Variants in TNPO2 observed in about 807,000 individuals in gnomAD.
The protein encoded by TNPO2 is transportin-2.
TNPO2 carries 16 observed loss-of-function variants against 111.1 expected under a neutral mutation model. That is an observed-to-expected ratio of 0.14 (90% CI 0.10 to 0.22). TNPO2 has a LOEUF of 0.22. TNPO2 is among the 10% of genes least tolerant of loss of function. TNPO2 has a pLI of 1.00. For synonymous variants in TNPO2, 481 were observed against 475.8 expected, an observed-to-expected ratio of 1.01 and a Z score of -0.14; for missense variants, 530 against 1,173.7, an observed-to-expected ratio of 0.45 and a Z score of 8.01.
chr19:12,722,368 T>C (rs1277890155), intron 2 of TNPO2: 1 of 147,502 alleles, frequency 6.8e-6, no homozygotes, highest in Non-Finnish European at 1.5e-5. Context: ...CCTTTCCCGG[T>C]CGGGCGCGGC....
chr19:12,714,742 G>T, intron 10 of TNPO2, 79 bp downstream of exon 10: 2 of 1,088,848 alleles, frequency 1.8e-6, no homozygotes, highest in Non-Finnish European at 2.8e-6. Context: ...GAGAAGCACA[G>T]CAGGTGACCA....
At position 12,702,445 on chromosome 19, in the gene TNPO2, A is replaced by G. The variant is rs2025376855; in HGVS notation, c.2306-268T>C. On this transcript the variant is annotated intron_variant, in intron 21 of 25. Coordinates refer to ENST00000425528, the MANE Select transcript of TNPO2 (RefSeq NM_001382241.1). The surrounding 1 kb of genome is among the most constrained non-coding windows in gnomAD (Gnocchi z 5.5). ...AGTCTTGCTCTGTTGCCCAGGCTGG[A>G]GTGCAGTGGCATGATCTTGGCTCAT... is the stretch of plus-strand genomic sequence containing the variant. 1 of 620,242 alleles carries G rather than the reference A, an allele frequency of 1.6e-6. No homozygotes were observed. The highest frequency in any genetic ancestry group is 1.8e-5 in the African/African-American group (1 of 54,584). The allele number at this position is 620,242 out of a possible 1,614,324, so 38.4% of individuals were successfully genotyped here. A position where few individuals can be genotyped will look rare whatever the true frequency, so the allele number is the denominator to read the frequency against.
intron 3 of TNPO2, among the ~76,000 whole-genome samples, chr19:12,720,375 C>G (rs1369768311): frequency 6.6e-6 from 1 of 152,138 alleles, no homozygotes; most frequent in African/African-American, 2.4e-5. Context: ...GGCTGGAGTA[C>G]AGTGGCACAA....
At position 12,715,818 on chromosome 19, in the gene TNPO2, A is replaced by G; in HGVS notation, c.326-79T>C. The G allele has an allele frequency of 8.6e-7, 1 of 1,167,842 alleles. No individual in the cohort carries two copies. The highest frequency in any genetic ancestry group is 2.6e-5 in the East Asian group (1 of 39,156). 72.3% of individuals were successfully genotyped at this position (1,167,842 alleles called of 1,614,324 possible). The stretch of plus-strand genomic sequence containing the variant: ...CCTCCCCCTCCCACTGGACACCCCC[A>G]GTGCTGCCTTTCTGTTCCCTAGCCC... On this transcript the variant is annotated intron_variant, in intron 5 of 25. Coordinates refer to ENST00000425528, the MANE Select transcript of TNPO2 (RefSeq NM_001382241.1). The surrounding 1 kb of genome is among the most constrained non-coding windows in gnomAD (Gnocchi z 7.1).
intron 13 of TNPO2, among the ~76,000 whole-genome samples, chr19:12,708,120 C>A (rs1236791827): frequency 1.3e-5 from 2 of 149,252 alleles, no homozygotes; most frequent in African/African-American, 4.9e-5. Context: ...CTGTGCCCAG[C>A]CATTTTTAAC....
At position 12,699,656 on chromosome 19, in the gene TNPO2, CTT is replaced by C. The variant is rs773262218; in HGVS notation, c.*1606_*1607del. 35 of 138,852 alleles carry C rather than the reference CTT, an allele frequency of 2.5e-4. No homozygotes were observed. The highest frequency in any genetic ancestry group is 2.4e-4 in the South Asian group (1 of 4,250). 8.6% of individuals were successfully genotyped at this position (138,852 alleles called of 1,614,324 possible). A position where few individuals can be genotyped will look rare whatever the true frequency, so the allele number is the denominator to read the frequency against. Reference sequence around the variant, plus strand: ...AGAAAATTAAAAGGTATTTTTAAAACTTTTTTTTTTTTTTTTAACAAATGGCT... The same window carrying C: ...AGAAAATTAAAAGGTATTTTTAAAACTTTTTTTTTTTTTTAACAAATGGCT... On this transcript the variant is annotated 3_prime_UTR_variant, in exon 26 of 26. Transcript: ENST00000425528.
At chr19:12,708,101 C>T (rs1302950323) in intron 13 of TNPO2, among the ~76,000 whole-genome samples, 2 of 152,116 alleles carry the variant, frequency 1.3e-5, no homozygotes. Flanking sequence ...GGATTACAGG[C>T]GTGAGCCACT....
Position 12,700,949 on chromosome 19 carries a change from TCCTC to T in TNPO2, c.*311_*314del, listed in dbSNP as rs2025258218. ...AGCCGGATTCGGTCAGCTGTGTAAT[TCCTC>T]CCTCCCACGTAGCTGGCCCAAGTGG... On this transcript the variant is annotated 3_prime_UTR_variant, in exon 26 of 26. Coordinates refer to ENST00000425528, the MANE Select transcript of TNPO2 (RefSeq NM_001382241.1). 2 of 204,068 alleles carry T rather than the reference TCCTC, an allele frequency of 9.8e-6. No homozygotes were observed. The highest frequency in any genetic ancestry group is 1.0e-5 in the Non-Finnish European group (1 of 99,858). The allele number at this position is 204,068 out of a possible 1,614,324, so 12.6% of individuals were successfully genotyped here. A position where few individuals can be genotyped will look rare whatever the true frequency, so the allele number is the denominator to read the frequency against.
At chr19:12,718,238 T>G (rs1449956208) in intron 5 of TNPO2, among the ~76,000 whole-genome samples, 1 of 151,862 alleles carries the variant, frequency 6.6e-6, no homozygotes, top group Non-Finnish European at 1.5e-5. Flanking sequence ...CCATCTCGCC[T>G]CACTGTAACC....
chr19:12,707,479 CTTTTTTTTTTT>C (rs56817777), intron 13 of TNPO2, among the ~76,000 whole-genome samples: 5,618 of 75,254 alleles, frequency 0.075, 217 homozygotes, highest in Non-Finnish European at 0.11. Flanking sequence ...TGTGAGTTTT[CTTTTTTTTTTT>C]TTTTTTTTTT....
At chr19:12,723,634 C>G (rs1967151911) in intron 1 of TNPO2, 135 bp downstream of exon 1, 1 of 152,186 alleles carries the variant, frequency 6.6e-6, no homozygotes, top group Non-Finnish European at 1.5e-5. Flanking sequence ...CTCCCTAAGC[C>G]GATATTTAAT....
chr19:12,711,716 G>A (rs2026059321), intron 10 of TNPO2, 103 bp from the exon 11 acceptor site: 2 of 955,200 alleles, frequency 2.1e-6, no homozygotes, highest in South Asian at 2.9e-5. Context: ...AGAGTGACCA[G>A]CCCCCCAATC....
chr19:12,706,174 G>A lies in TNPO2; in HGVS notation c.1668+22C>T, dbSNP rs780765307. 26 of 1,609,654 alleles carry A rather than the reference G, an allele frequency of 1.6e-5. No homozygotes were observed. The highest frequency in any genetic ancestry group is 3.3e-5 in the South Asian group (3 of 90,714). Reference sequence around the variant, plus strand: ...CCCAGGGGCACGGGGATCGGGAGGCGGGAGCCGCTCTGGGGTCTCACCGGC... The same window carrying A: ...CCCAGGGGCACGGGGATCGGGAGGCAGGAGCCGCTCTGGGGTCTCACCGGC... On this transcript the variant is annotated intron_variant, in intron 15 of 25. Coordinates refer to ENST00000425528, the MANE Select transcript of TNPO2 (RefSeq NM_001382241.1). The surrounding 1 kb of genome is among the most constrained non-coding windows in gnomAD (Gnocchi z 7.0).
intron 10 of TNPO2, 69 bp from the exon 11 acceptor site, chr19:12,711,682 G>A: frequency 4.3e-6 from 6 of 1,409,966 alleles, no homozygotes; most frequent in Non-Finnish European, 5.9e-6. Flanking sequence ...GCACAGCTTG[G>A]GGAGGAGGCA....
intron 20 of TNPO2, chr19:12,703,175 A>G (rs1421630991): frequency 3.4e-6 from 2 of 587,022 alleles, no homozygotes; most frequent in Middle Eastern, 4.5e-4. Flanking sequence ...GTCAAAGGAA[A>G]AAAAAAGCCA....
In TNPO2 at chr19:12,701,373, C is replaced by T; in HGVS notation, c.2667G>A (p.Glu889=). ...FSEQFPPLLK[E]RLAAFYGV is the part of the protein sequence containing the mutation. ...AGACCCCATAGAAAGCCGCCAGCCT[C>T]TCCTTGAGCAGCGGCGGGAATTGCT... Residue 889 remains glutamate (E), a synonymous_variant, in exon 25 of 26, where the codon GAG becomes GAA. Coordinates refer to ENST00000425528, the MANE Select transcript of TNPO2 (RefSeq NM_001382241.1). This position sits in a 1 kb window ranked among gnomAD's most constrained non-coding sequence, Gnocchi z 5.0. 6.2e-7 allele frequency: 1 copy of T among 1,614,024 alleles called. No homozygotes were observed. Among genetic ancestry groups the T allele is most frequent in the Non-Finnish European group, 8.5e-7 (1 of 1,179,886 alleles).
At chr19:12,717,583 G>A (rs187385778) in intron 5 of TNPO2, among the ~76,000 whole-genome samples, 110 of 152,118 alleles carry the variant, frequency 7.2e-4, no homozygotes, top group Non-Finnish European at 1.1e-3. Flanking sequence ...GGATCAGTAA[G>A]TTTCAATGAC....
chr19:12,701,798 C>T lies in TNPO2; in HGVS notation c.2465G>A (p.Arg822His), dbSNP rs1347277586. ...GACACCGATCATCATGCAGATGCCG[C>T]GGAAGGCTGAGTCCTTCTCCTCGTT... Reference protein sequence around the residue: ...RDNEEKDSAFRGICMMIGVNP... With the variant: ...RDNEEKDSAFHGICMMIGVNP... The change falls in exon 23 of 26, where the codon CGC (arginine) becomes CAC (histidine). Residue 822 changes from arginine to histidine, a missense_variant. By Grantham distance (29) the Arg-to-His change is conservative. This residue lies in a region of TNPO2 where 103 missense variants were observed against 156.7 expected (regional missense o/e 0.66). Coordinates refer to ENST00000425528, the MANE Select transcript of TNPO2 (RefSeq NM_001382241.1). The surrounding 1 kb of genome is among the most constrained non-coding windows in gnomAD (Gnocchi z 5.0). 9 of 1,613,882 alleles carry T rather than the reference C, an allele frequency of 5.6e-6. No homozygotes were observed. The highest frequency in any genetic ancestry group is 3.3e-5 in the South Asian group (3 of 91,088).
intron 10 of TNPO2, among the ~76,000 whole-genome samples, chr19:12,713,033 G>T (rs554536330): frequency 6.6e-6 from 1 of 152,258 alleles, no homozygotes; most frequent in South Asian, 2.1e-4. Context: ...TTATAGGCGT[G>T]AGCCATGGCA....
Sources: allele counts gnomAD v4.1 joint callset (sites outside exome capture counted in the v4.1 genomes callset), GRCh38; gene constraint gnomAD v4.1.1; regional missense constraint gnomAD v4.1.1; non-coding constraint Gnocchi (gnomAD v3.1); transcripts MANE v1.5; gene names NCBI Gene and HGNC (gene_info 2026-07-23, HGNC 2026-07-21).